GABBR2: variants seen among roughly 807,000 people sequenced by gnomAD.
GABBR2 encodes G-protein coupled receptor 51.
In GABBR2, 23 loss-of-function variants were observed where a neutral mutation model predicts 105.6. That is an observed-to-expected ratio of 0.22 (90% CI 0.16 to 0.31). The LOEUF is 0.31. Among genes scored for constraint, GABBR2 ranks in the 10% least tolerant of loss-of-function variants. GABBR2 has a pLI of 1.00. For synonymous variants in GABBR2, 478 were observed against 499.7 expected (o/e 0.96, Z 0.58); for missense variants, 734 against 1,245.5 (o/e 0.59, Z 6.18).
At chr9:98,347,210 T>C (rs1275664234) in intron 13 of GABBR2, among the ~76,000 whole-genome samples, 1 of 152,256 alleles carries the variant, frequency 6.6e-6, no homozygotes, top group Non-Finnish European at 1.5e-5. Flanking sequence ...TGTATAAGAA[T>C]TCTCTTTTTT....
chr9:98,319,647 C>T (rs1830785099), intron 13 of GABBR2, among the ~76,000 whole-genome samples: 1 of 152,094 alleles, frequency 6.6e-6, no homozygotes, highest in Admixed American at 6.5e-5. Flanking sequence ...TGAATGTCCT[C>T]TAGTCACTGT....
intron 13 of GABBR2, among the ~76,000 whole-genome samples, chr9:98,316,213 G>C (rs923718934): frequency 6.6e-6 from 1 of 151,822 alleles, no homozygotes; most frequent in Non-Finnish European, 1.5e-5. Flanking sequence ...GTGCAATGGC[G>C]CAATCTCAGC....
chr9:98,397,535 G>A (rs184355658), intron 8 of GABBR2, among the ~76,000 whole-genome samples: 176 of 152,210 alleles, frequency 1.2e-3, no homozygotes, highest in Non-Finnish European at 9.4e-4. Flanking sequence ...CCTAACTCAC[G>A]GTAAGTGTCC....
intron 1 of GABBR2, among the ~76,000 whole-genome samples, chr9:98,701,188 A>T (rs763825273): frequency 6.6e-6 from 1 of 152,236 alleles, no homozygotes; most frequent in Non-Finnish European, 1.5e-5. Context: ...TCAAATACAC[A>T]AAGAAGGTCC....
At chr9:98,473,067 G>A in intron 6 of GABBR2, 79 bp downstream of exon 6, 1 of 1,022,246 alleles carries the variant, frequency 9.8e-7, no homozygotes, top group Admixed American at 1.9e-5. Context: ...CAATAAATGT[G>A]CTCTTTTGGC....
intron 9 of GABBR2, among the ~76,000 whole-genome samples, chr9:98,390,360 C>A (rs1187928310): frequency 2.2e-5 from 2 of 92,628 alleles, no homozygotes; most frequent in South Asian, 3.6e-4. Flanking sequence ...GGTGACAGAG[C>A]AAGACTCCAT....
chr9:98,561,372 A>G (rs911737639), intron 2 of GABBR2, among the ~76,000 whole-genome samples: 2 of 152,184 alleles, frequency 1.3e-5, no homozygotes, highest in Admixed American at 6.5e-5. Context: ...TCTTAACACA[A>G]TTTCCTACCA....
chr9:98,572,039 G>A (rs928616633), intron 2 of GABBR2, among the ~76,000 whole-genome samples: 3 of 152,304 alleles, frequency 2.0e-5, no homozygotes, highest in African/African-American at 4.8e-5. Flanking sequence ...TGCTTTCCTG[G>A]GTCATGCCCT....
At chr9:98,515,533 C>A (rs544060893) in intron 3 of GABBR2, among the ~76,000 whole-genome samples, 1 of 152,130 alleles carries the variant, frequency 6.6e-6, no homozygotes, top group African/African-American at 2.4e-5. Context: ...TGCAAACCCC[C>A]TTTCTTGGCT....
intron 13 of GABBR2, among the ~76,000 whole-genome samples, chr9:98,315,176 C>T (rs1054971129): frequency 9.2e-5 from 14 of 152,102 alleles, no homozygotes. Flanking sequence ...TATCTTTGGC[C>T]TTTCAGTTCC....
intron 1 of GABBR2, among the ~76,000 whole-genome samples, chr9:98,635,964 G>A (rs547956192): frequency 5.3e-5 from 8 of 152,190 alleles, no homozygotes; most frequent in African/African-American, 1.7e-4. Flanking sequence ...ACCCCACCAT[G>A]CACCCGGTTC....
intron 1 of GABBR2, chr9:98,607,012 C>G: frequency 1.0e-6 from 1 of 997,508 alleles, no homozygotes; most frequent in African/African-American, 1.6e-5. Context: ...CAACAGAAGA[C>G]CCCTGAAGGC....
intron 3 of GABBR2, among the ~76,000 whole-genome samples, chr9:98,519,072 G>C (rs1441743012): frequency 2.0e-5 from 3 of 152,214 alleles, no homozygotes; most frequent in Non-Finnish European, 4.4e-5. Context: ...TTCCAAAGGG[G>C]ACCAAAATCT....
intron 2 of GABBR2, among the ~76,000 whole-genome samples, chr9:98,569,322 G>A (rs959856812): frequency 6.6e-6 from 1 of 152,150 alleles, no homozygotes; most frequent in Non-Finnish European, 1.5e-5. Flanking sequence ...AGAGGCAGAC[G>A]TTGTGTGTAC....
intron 4 of GABBR2, among the ~76,000 whole-genome samples, chr9:98,493,598 C>A (rs2131666620): frequency 6.6e-6 from 1 of 152,302 alleles, no homozygotes; most frequent in South Asian, 2.1e-4. Flanking sequence ...CTCTCTACTA[C>A]CTCCAATGCA....
chr9:98,492,490 A>G (rs1430960061), intron 4 of GABBR2, among the ~76,000 whole-genome samples: 2 of 151,878 alleles, frequency 1.3e-5, no homozygotes, highest in East Asian at 3.9e-4. Flanking sequence ...TGCATTTGTC[A>G]CAATGAATAA....
chr9:98,360,745 A>C (rs76610812), intron 13 of GABBR2, among the ~76,000 whole-genome samples: 1 of 152,196 alleles, frequency 6.6e-6, no homozygotes, highest in South Asian at 2.1e-4. Context: ...GCACAGGTTT[A>C]CCTTGTTTAA....
chr9:98,363,499 C>T (rs1041473155), intron 12 of GABBR2, among the ~76,000 whole-genome samples: 7 of 152,102 alleles, frequency 4.6e-5, no homozygotes, highest in Non-Finnish European at 1.0e-4. Flanking sequence ...AGAGATGAAG[C>T]CTGGATTTGG....
chr9:98,509,226 A>C (rs1827583224), intron 3 of GABBR2, among the ~76,000 whole-genome samples: 1 of 152,234 alleles, frequency 6.6e-6, no homozygotes, highest in Non-Finnish European at 1.5e-5. Context: ...TTAGAAGGAA[A>C]ACTAACAAAC....
Sources: allele counts gnomAD v4.1 joint callset (sites outside exome capture counted in the v4.1 genomes callset), GRCh38; gene constraint gnomAD v4.1.1; transcripts MANE v1.5; gene names NCBI Gene and HGNC (gene_info 2026-07-23, HGNC 2026-07-21).